NAA11: variants seen among roughly 807,000 people sequenced by gnomAD.
NAA11 encodes N-alpha-acetyltransferase 11, NatA catalytic subunit.
In NAA11, 15 loss-of-function variants were observed where a neutral mutation model predicts 16.1. The observed-to-expected ratio is 0.93, with a 90% confidence interval of 0.62 to 1.44. NAA11 has a LOEUF of 1.44. Ranked by LOEUF, NAA11 falls within the 40% of genes most tolerant of loss-of-function variation. The probability of loss-of-function intolerance (pLI) is 0.00; values close to 1 mark genes in which losing one functional copy is unlikely to be tolerated. For synonymous variants in NAA11, 122 were observed against 112.4 expected, an observed-to-expected ratio of 1.09 and a Z score of -0.54; for missense variants, 298 against 291.3, an observed-to-expected ratio of 1.02 and a Z score of -0.17.
chr4:79,200,290 G>T, the NAA11 span, among the ~76,000 whole-genome samples: 14 of 151,816 alleles, frequency 9.2e-5, no homozygotes, highest in African/African-American at 3.1e-4. Flanking sequence ...TTGACACATA[G>T]TAATGTGCTG....
chr4:79,157,799 A>C, the NAA11 span, among the ~76,000 whole-genome samples: 1 of 152,178 alleles, frequency 6.6e-6, no homozygotes, highest in South Asian at 2.1e-4. Context: ...TGTATTTAAC[A>C]TAGTACTGGA....
chr4:79,310,007 A>C (rs866374027), intron 1 of NAA11, among the ~76,000 whole-genome samples: 1 of 151,726 alleles, frequency 6.6e-6, no homozygotes, highest in Non-Finnish European at 1.5e-5. Flanking sequence ...GAGCCACCGC[A>C]CCCTGCCTAT....
chr4:79,263,708 A>G (rs1430413018), intron 2 of NAA11, among the ~76,000 whole-genome samples: 8 of 152,052 alleles, frequency 5.3e-5, no homozygotes, highest in Non-Finnish European at 1.2e-4. Flanking sequence ...CCTTTCTCCT[A>G]TTCCGTTCAC....
the NAA11 span, among the ~76,000 whole-genome samples, chr4:79,220,217 C>T: frequency 2.6e-5 from 4 of 152,318 alleles, no homozygotes; most frequent in African/African-American, 9.6e-5. Context: ...CTCAGCCTCC[C>T]TAGTAGCCAA....
intron 1 of NAA11, among the ~76,000 whole-genome samples, chr4:79,323,655 C>A (rs1361939526): frequency 6.6e-6 from 1 of 152,092 alleles, no homozygotes; most frequent in Non-Finnish European, 1.5e-5. Flanking sequence ...CCCGTCTCTA[C>A]TAAAAATACA....
chr4:79,268,530 T>C (rs1476808047), intron 2 of NAA11, among the ~76,000 whole-genome samples: 1 of 152,104 alleles, frequency 6.6e-6, no homozygotes. Context: ...CTGTGTTTCA[T>C]TGCAACACAA....
chr4:79,269,543 G>A (rs1477870860), intron 2 of NAA11, among the ~76,000 whole-genome samples: 5 of 150,106 alleles, frequency 3.3e-5, no homozygotes, highest in African/African-American at 1.2e-4. Context: ...ACTTTTTGAT[G>A]GGGTTGTTTG....
chr4:79,164,430 T>A, the NAA11 span, among the ~76,000 whole-genome samples: 1 of 152,204 alleles, frequency 6.6e-6, no homozygotes, highest in Admixed American at 6.5e-5. Flanking sequence ...CAGACAAACA[T>A]TGAGGACGGT....
At chr4:79,297,624 G>A (rs1280776944) in intron 1 of NAA11, among the ~76,000 whole-genome samples, 1 of 152,224 alleles carries the variant, frequency 6.6e-6, no homozygotes, top group Non-Finnish European at 1.5e-5. Context: ...CCATCCAGGT[G>A]TGCACTCACT....
At chr4:79,321,846 A>G (rs1724097924) in intron 1 of NAA11, among the ~76,000 whole-genome samples, 1 of 152,216 alleles carries the variant, frequency 6.6e-6, no homozygotes, top group Admixed American at 6.5e-5. Flanking sequence ...TTTGATAACT[A>G]TATCAATGAA....
At chr4:79,188,721 G>T in the NAA11 span, among the ~76,000 whole-genome samples, 14 of 152,216 alleles carry the variant, frequency 9.2e-5, no homozygotes, top group East Asian at 2.7e-3. Flanking sequence ...CTCTTGACAC[G>T]TTTTATTTTA....
chr4:79,286,093 A>T (rs1363855584), intron 2 of NAA11, among the ~76,000 whole-genome samples: 1 of 152,032 alleles, frequency 6.6e-6, no homozygotes, highest in East Asian at 1.9e-4. Flanking sequence ...TTTACTCTGA[A>T]ATTTTACTGT....
chr4:79,291,299 A>G (rs2109992902), intron 2 of NAA11, among the ~76,000 whole-genome samples: 1 of 150,818 alleles, frequency 6.6e-6, no homozygotes, highest in South Asian at 2.1e-4. Flanking sequence ...CTGTCTCTAC[A>G]AAAAAACGAA....
chr4:79,312,123 T>A (rs139122905), downstream of NAA11, among the ~76,000 whole-genome samples: 24 of 152,328 alleles, frequency 1.6e-4, no homozygotes, highest in East Asian at 3.7e-3. Flanking sequence ...AAAGGAGCAA[T>A]TAGAAATATT....
the NAA11 span, among the ~76,000 whole-genome samples, chr4:79,177,677 A>G: frequency 8.7e-4 from 133 of 152,250 alleles, no homozygotes; most frequent in African/African-American, 3.1e-3. Flanking sequence ...TTTAGTAATA[A>G]TAATAACAGG....
chr4:79,231,801 G>A (rs1332087538), intron 2 of NAA11, among the ~76,000 whole-genome samples: 1 of 151,440 alleles, frequency 6.6e-6, no homozygotes, highest in Non-Finnish European at 1.5e-5. Context: ...GAAATACAAG[G>A]CAAAAAGGAA....
chr4:79,244,122 C>T (rs1721753338), intron 2 of NAA11, among the ~76,000 whole-genome samples: 1 of 152,226 alleles, frequency 6.6e-6, no homozygotes, highest in African/African-American at 2.4e-5. Flanking sequence ...TTAATTAACA[C>T]TTCAATGTTA....
At chr4:79,281,499 A>G (rs1175455806) in intron 2 of NAA11, among the ~76,000 whole-genome samples, 1 of 152,082 alleles carries the variant, frequency 6.6e-6, no homozygotes, top group Non-Finnish European at 1.5e-5. Flanking sequence ...ATGCACTGTT[A>G]TATCTACTAG....
At chr4:79,268,702 G>GT (rs1412782463) in intron 2 of NAA11, among the ~76,000 whole-genome samples, 3 of 91,112 alleles carry the variant, frequency 3.3e-5, no homozygotes, top group African/African-American at 2.0e-4. Context: ...AGGACACTTT[G>GT]TATTTTTTTT....
Sources: allele counts gnomAD v4.1 joint callset (sites outside exome capture counted in the v4.1 genomes callset), GRCh38; gene constraint gnomAD v4.1.1; transcripts MANE v1.5; gene names NCBI Gene and HGNC (gene_info 2026-07-23, HGNC 2026-07-21).